The following NTNG1 variants were observed in gnomAD, a reference collection of about 807,000 sequenced individuals.
The protein encoded by NTNG1 is netrin G1, also known as netrin-G1.
NTNG1 carries 16 observed loss-of-function variants against 54.0 expected under a neutral mutation model. The observed-to-expected ratio is 0.30, with a 90% CI of 0.20 to 0.45. The LOEUF is 0.45. Among genes scored for constraint, NTNG1 ranks in the 20% least tolerant of loss-of-function variants. The pLI, the probability that NTNG1 is intolerant of heterozygous loss-of-function variation, is 1.00. For synonymous variants in NTNG1, 255 were observed against 263.1 expected (o/e 0.97, Z 0.30); for missense variants, 530 against 678.7 (o/e 0.78, Z 2.43).
intron 3 of NTNG1, among the ~76,000 whole-genome samples, chr1:107,358,950 T>C (rs1277359201): frequency 1.3e-5 from 2 of 152,214 alleles, no homozygotes; most frequent in African/African-American, 4.8e-5. Flanking sequence ...TATGGCCAAC[T>C]GCTACAAGGC....
intron 4 of NTNG1, among the ~76,000 whole-genome samples, chr1:107,399,851 C>A (rs1672904897): frequency 1.3e-5 from 2 of 152,116 alleles, no homozygotes. Context: ...GGCTCCATTT[C>A]AATGCCTATT....
rs562159325 is a variant in NTNG1, at chr1:107,362,298, A to T, written c.888-32856A>T. Among the ~76,000 whole-genome samples, 14 of 152,318 alleles carry T rather than the reference A, an allele frequency of 9.2e-5. 1 individual carries two copies. In the East Asian group the frequency reaches 1.9e-3, roughly 21 times the overall value. ...CTAAAATGGTGGAAATTCTGGATGC[A>T]CTAGCTGGCAGCTTAGGAGAGTTAT... On this transcript the variant is annotated intron_variant, in intron 3 of 7. Coordinates refer to ENST00000370068, the MANE Select transcript of NTNG1 (RefSeq NM_001113226.3).
At chr1:107,217,679 A>G (rs555493302) in intron 2 of NTNG1, among the ~76,000 whole-genome samples, 1 of 152,244 alleles carries the variant, frequency 6.6e-6, no homozygotes, top group South Asian at 2.1e-4. Context: ...AGAATCTTTT[A>G]GTTTCTATCT....
Position 107,264,505 on chromosome 1 carries a change from T to G in NTNG1, c.247-59777T>G, listed in dbSNP as rs1017724690. On this transcript the variant is annotated intron_variant, in intron 2 of 7. Coordinates refer to ENST00000370068, the MANE Select transcript of NTNG1 (RefSeq NM_001113226.3). ...ATCCTTCCCTATGAAGTTAAAAGAC[T>G]ATATATAGATTTTCCTTTCATTTTT... 3.3e-4 allele frequency among the ~76,000 whole-genome samples: 51 copies of G among 152,352 alleles called. 1 individual carries two copies. Among genetic ancestry groups the G allele is most frequent in the African/African-American group, 1.2e-3 (50 of 41,586 alleles).
chr1:107,392,179 C>G (rs1672405215), intron 3 of NTNG1, among the ~76,000 whole-genome samples: 1 of 152,036 alleles, frequency 6.6e-6, no homozygotes, highest in Non-Finnish European at 1.5e-5. Flanking sequence ...CCAGACTTAC[C>G]AGCATTTTGA....
chr1:107,431,142 A>G (rs1237566623), intron 6 of NTNG1, among the ~76,000 whole-genome samples: 3 of 152,252 alleles, frequency 2.0e-5, no homozygotes, highest in African/African-American at 7.2e-5. Flanking sequence ...AAATATGATG[A>G]TCTCAGAAAT....
At chr1:107,163,441 G>A (rs1282212788) in intron 2 of NTNG1, among the ~76,000 whole-genome samples, 1 of 152,014 alleles carries the variant, frequency 6.6e-6, no homozygotes, top group Non-Finnish European at 1.5e-5. Context: ...TTGCTAAAAT[G>A]TACAAGTCCT....
intron 2 of NTNG1, among the ~76,000 whole-genome samples, chr1:107,193,842 TCTTC>T (rs1465434228): frequency 6.6e-6 from 1 of 151,914 alleles, no homozygotes; most frequent in African/African-American, 2.4e-5. Context: ...CTTCTTTTTT[TCTTC>T]CTTCCTTCTT....
chr1:107,368,744 C>T (rs1670741126), intron 3 of NTNG1, among the ~76,000 whole-genome samples: 1 of 152,168 alleles, frequency 6.6e-6, no homozygotes, highest in Non-Finnish European at 1.5e-5. Flanking sequence ...TGTTTATAAT[C>T]AGACACCTAG....
At chr1:107,256,072 T>G (rs977894992) in intron 2 of NTNG1, among the ~76,000 whole-genome samples, 1 of 152,262 alleles carries the variant, frequency 6.6e-6, no homozygotes, top group Non-Finnish European at 1.5e-5. Flanking sequence ...TTTCATGTGT[T>G]GTTTATTAAA....
In NTNG1 at chr1:107,169,103, A is replaced by G. The variant is rs1247265606; in HGVS notation, c.246+20264A>G. Among the ~76,000 whole-genome samples, 4 of 152,282 alleles carry G rather than the reference A, an allele frequency of 2.6e-5. No individual in the cohort carries two copies. In the East Asian group the frequency reaches 7.7e-4, roughly 29 times the overall value. On this transcript the variant is annotated intron_variant, in intron 2 of 7. Coordinates refer to ENST00000370068, the MANE Select transcript of NTNG1 (RefSeq NM_001113226.3). ...TATAGATTTTACAAAGAATGGCAAG[A>G]GTATTAATATTTTAGAGCATCTTGG... is the stretch of plus-strand genomic sequence containing the variant.
chr1:107,429,136 C>T (rs1675093145), intron 5 of NTNG1, among the ~76,000 whole-genome samples: 1 of 151,970 alleles, frequency 6.6e-6, no homozygotes, highest in Non-Finnish European at 1.5e-5. Flanking sequence ...CTTCAGCATC[C>T]CCCCTTTCTT....
chr1:107,141,244 T>C (rs1319995798), intron 1 of NTNG1, 104 bp downstream of exon 1: 1 of 151,276 alleles, frequency 6.6e-6, no homozygotes, highest in Non-Finnish European at 1.5e-5. Context: ...GCTGCGGCGG[T>C]GGCGGCGGCT....
At chr1:107,393,158 T>C (rs781445919) in intron 3 of NTNG1, among the ~76,000 whole-genome samples, 1 of 152,182 alleles carries the variant, frequency 6.6e-6, no homozygotes, top group Non-Finnish European at 1.5e-5. Flanking sequence ...AGATACATAA[T>C]CCAATTTACA....
intron 3 of NTNG1, among the ~76,000 whole-genome samples, chr1:107,391,959 G>A (rs536431638): frequency 1.9e-4 from 29 of 152,274 alleles, no homozygotes; most frequent in African/African-American, 6.0e-4. Flanking sequence ...TGCCAGATTA[G>A]ATGTGGTAGG....
chr1:107,297,086 G>GAC (rs34213703), intron 2 of NTNG1, among the ~76,000 whole-genome samples: 11,871 of 137,266 alleles, frequency 0.086, 589 homozygotes, highest in East Asian at 0.21. Context: ...TACAGATGAG[G>GAC]ACACACACAC....
intron 2 of NTNG1, among the ~76,000 whole-genome samples, chr1:107,212,949 A>T (rs1325199291): frequency 1.3e-5 from 2 of 152,028 alleles, no homozygotes; most frequent in Admixed American, 1.3e-4. Context: ...CTCACTGGGA[A>T]CATCCCAGGG....
intron 2 of NTNG1, among the ~76,000 whole-genome samples, chr1:107,261,308 A>T (rs1476648229): frequency 1.3e-5 from 2 of 152,220 alleles, no homozygotes; most frequent in Non-Finnish European, 2.9e-5. Flanking sequence ...AGTCACAACT[A>T]TGATAAATGC....
chr1:107,395,024 C>A (rs890411443), intron 3 of NTNG1, 130 bp from the exon 4 acceptor site: 1 of 733,816 alleles, frequency 1.4e-6, no homozygotes. Context: ...GCCTGCAAAT[C>A]TATCTCTTAC....
Sources: allele counts gnomAD v4.1 joint callset (sites outside exome capture counted in the v4.1 genomes callset), GRCh38; gene constraint gnomAD v4.1.1; transcripts MANE v1.5; gene names NCBI Gene and HGNC (gene_info 2026-07-23, HGNC 2026-07-21).